Variants in JARID2 observed in about 807,000 individuals in gnomAD.
JARID2 encodes the protein protein Jumonji.
A neutral mutation model predicts 125.6 loss-of-function variants in JARID2; 21 were observed. That is an observed-to-expected ratio of 0.17 (90% confidence interval 0.12 to 0.24). JARID2 has a LOEUF of 0.24. JARID2 is among the 10% of genes least tolerant of loss of function. JARID2 has a pLI of 1.00. For missense variants in JARID2, 1,303 were observed against 1,639.6 expected, an observed-to-expected ratio of 0.79 and a Z score of 3.55; for synonymous variants, 736 against 661.6, an observed-to-expected ratio of 1.11 and a Z score of -1.73.
intron 3 of JARID2, among the ~76,000 whole-genome samples, chr6:15,417,077 A>T (rs555437030): frequency 5.9e-5 from 9 of 152,342 alleles, no homozygotes; most frequent in Non-Finnish European, 1.2e-4. Context: ...TCTGAAGTGT[A>T]CGATTCAAAA....
intron 6 of JARID2, among the ~76,000 whole-genome samples, chr6:15,491,735 A>G (rs567253237): frequency 5.7e-4 from 86 of 152,170 alleles, no homozygotes; most frequent in African/African-American, 1.9e-3. Context: ...TTCATCTGTC[A>G]TCATACTGAG....
intron 1 of JARID2, among the ~76,000 whole-genome samples, chr6:15,250,013 C>A (rs1216495921): frequency 5.3e-5 from 8 of 152,288 alleles, no homozygotes; most frequent in African/African-American, 1.9e-4. Flanking sequence ...AGATAGGATA[C>A]TGGGGCTTCA....
intron 1 of JARID2, among the ~76,000 whole-genome samples, chr6:15,251,703 G>A (rs1306051054): frequency 2.6e-5 from 4 of 152,218 alleles, no homozygotes; most frequent in African/African-American, 9.6e-5. Context: ...GTGAAAAAGA[G>A]CGTGGTGGCT....
rs200994094 is a variant in JARID2, at chr6:15,297,442, G to GT, written c.45+50863dup. Reference sequence around the variant, plus strand: ...ATGAGCCACCGCCCGGCCTGGTTGTGTTTTTATAAGTCAGGGTCCTTTCCC... The same window carrying GT: ...ATGAGCCACCGCCCGGCCTGGTTGTGTTTTTTATAAGTCAGGGTCCTTTCCC... On this transcript the variant is annotated intron_variant, in intron 1 of 17. Coordinates refer to ENST00000341776, the MANE Select transcript of JARID2 (RefSeq NM_004973.4). 4.0e-3 allele frequency among the ~76,000 whole-genome samples: 599 copies of GT among 151,368 alleles called. 7 individuals carry two copies. The highest frequency in any genetic ancestry group is 0.014 in the African/African-American group (569 of 41,244).
intron 1 of JARID2, among the ~76,000 whole-genome samples, chr6:15,288,504 A>G (rs1050572087): frequency 1.4e-4 from 21 of 152,206 alleles, no homozygotes; most frequent in African/African-American, 5.1e-4. Context: ...TATCTGAACT[A>G]TATCAAGCGA....
At chr6:15,468,471 T>C in intron 4 of JARID2, 71 bp from the exon 5 acceptor site, 2 of 1,366,602 alleles carry the variant, frequency 1.5e-6, no homozygotes, top group Non-Finnish European at 2.0e-6. Context: ...TTTTGTTTCA[T>C]TGTGGTGTTC....
At chr6:15,416,263 G>A (rs1766203387) in intron 3 of JARID2, among the ~76,000 whole-genome samples, 1 of 152,130 alleles carries the variant, frequency 6.6e-6, no homozygotes, top group African/African-American at 2.4e-5. Context: ...AGGCAGAGAC[G>A]CTTCTCACTT....
chr6:15,393,049 C>T (rs1248886864), intron 2 of JARID2, among the ~76,000 whole-genome samples: 1 of 152,092 alleles, frequency 6.6e-6, no homozygotes, highest in Non-Finnish European at 1.5e-5. Context: ...TGGATAGAGG[C>T]TATCAGTGCA....
intron 1 of JARID2, among the ~76,000 whole-genome samples, chr6:15,263,233 T>C (rs1759956616): frequency 1.3e-5 from 2 of 152,038 alleles, no homozygotes; most frequent in African/African-American, 4.8e-5. Context: ...CACACGTGCT[T>C]GTGCTGGAAT....
intron 6 of JARID2, among the ~76,000 whole-genome samples, chr6:15,492,006 G>T (rs1770172813): frequency 6.6e-6 from 1 of 152,240 alleles, no homozygotes; most frequent in Admixed American, 6.5e-5. Context: ...ACTTGAAAAT[G>T]CTCTCAACCT....
At chr6:15,247,449 GA>G in intron 1 of JARID2, 1 of 983,880 alleles carries the variant, frequency 1.0e-6, no homozygotes, top group Non-Finnish European at 1.2e-6. Flanking sequence ...AGTTTGAGGG[GA>G]GGGAGGAAAG....
At chr6:15,379,516 G>T (rs1288886081) in intron 2 of JARID2, among the ~76,000 whole-genome samples, 1 of 152,084 alleles carries the variant, frequency 6.6e-6, no homozygotes, top group Non-Finnish European at 1.5e-5. Context: ...AGTCAGAGAG[G>T]GAAGCTATTA....
At position 15,347,833 on chromosome 6, in the gene JARID2, A is replaced by G. The variant is rs368983333; in HGVS notation, c.46-26284A>G. On this transcript the variant is annotated intron_variant, in intron 1 of 17. Transcript: ENST00000341776. ...CCAGGCCTCAAGTGGAGGCTCAAGT[A>G]GAGGCTCACAATAGCCTCTACCTTC... Among the ~76,000 whole-genome samples, 28 of 152,168 alleles carry G rather than the reference A, an allele frequency of 1.8e-4. No individual in the cohort carries two copies. In the East Asian group the frequency reaches 4.8e-3, roughly 26 times the overall value.
At position 15,247,468 on chromosome 6, in the gene JARID2, G is replaced by C. The variant is rs73724790; in HGVS notation, c.45+884G>C. On this transcript the variant is annotated intron_variant, in intron 1 of 17. Transcript: ENST00000341776. ...TGAGGGGAGGGAGGAAAGGGGGACC[G>C]AGGGATTAACCAAATATGCACTCGA... The C allele has an allele frequency of 1.3e-3, 1,322 of 981,514 alleles. 20 individuals carry two copies. In the African/African-American group the frequency reaches 0.022, roughly 16 times the overall value. The allele number at this position is 981,514 out of a possible 1,614,324, so 60.8% of individuals were successfully genotyped here. A position where few individuals can be genotyped will look rare whatever the true frequency, so the allele number is the denominator to read the frequency against.
At chr6:15,329,793 G>A (rs757810758) in intron 1 of JARID2, among the ~76,000 whole-genome samples, 9 of 152,204 alleles carry the variant, frequency 5.9e-5, no homozygotes, top group Admixed American at 1.3e-4. Flanking sequence ...GAAGGCCTGA[G>A]TCTCTGTTAG....
At chr6:15,359,332 C>G (rs555170368) in intron 1 of JARID2, among the ~76,000 whole-genome samples, 2 of 152,178 alleles carry the variant, frequency 1.3e-5, no homozygotes, top group Non-Finnish European at 2.9e-5. Context: ...GCTTTTCTGA[C>G]GGTATGTCCT....
chr6:15,360,852 T>G (rs1472307295), intron 1 of JARID2, among the ~76,000 whole-genome samples: 1 of 151,916 alleles, frequency 6.6e-6, no homozygotes, highest in Admixed American at 6.5e-5. Flanking sequence ...TCTGAAAACC[T>G]TGTTAGCCAA....
chr6:15,494,633 C>T (rs548586643), intron 6 of JARID2, among the ~76,000 whole-genome samples: 33 of 152,230 alleles, frequency 2.2e-4, no homozygotes, highest in African/African-American at 7.5e-4. Context: ...TGGTGTCAAT[C>T]TCCTGACCTT....
chr6:15,361,892 CTTTTTT>C (rs58352410), intron 1 of JARID2, among the ~76,000 whole-genome samples: 8 of 121,168 alleles, frequency 6.6e-5, no homozygotes, highest in Non-Finnish European at 1.0e-4. Flanking sequence ...TGGGAGCCCC[CTTTTTT>C]TTTTTTTTTT....
Sources: gnomAD v4.1 joint callset for allele counts (sites outside exome capture counted in the v4.1 genomes callset) on GRCh38, gnomAD v4.1.1 for gene constraint, MANE v1.5 for transcripts, NCBI Gene and HGNC (gene_info 2026-07-23, HGNC 2026-07-21) for gene names.